Variants in LINGO2 observed in about 807,000 individuals in gnomAD.
The protein encoded by LINGO2 is leucine-rich repeat and immunoglobulin-like domain-containing nogo receptor-interacting protein 2.
In LINGO2, 14 loss-of-function variants were observed where a neutral mutation model predicts 30.6. The observed-to-expected ratio is 0.46, with a 90% CI of 0.30 to 0.72. LINGO2 has a LOEUF of 0.72. Among genes scored for constraint, LINGO2 ranks in the 30% least tolerant of loss-of-function variants. LINGO2 has a pLI of 0.07. For missense variants in LINGO2, 729 were observed against 751.7 expected (o/e 0.97, Z 0.35); for synonymous variants, 317 against 288.5 (o/e 1.10, Z -1.00).
the LINGO2 span, among the ~76,000 whole-genome samples, chr9:28,913,206 G>A: frequency 1.3e-5 from 2 of 151,848 alleles, no homozygotes; most frequent in Admixed American, 1.3e-4. Context: ...GAAAATCTCT[G>A]TTATCATCAT....
intron 1 of LINGO2, among the ~76,000 whole-genome samples, chr9:28,481,840 T>C (rs1300347103): frequency 6.6e-6 from 1 of 151,462 alleles, no homozygotes; most frequent in Non-Finnish European, 1.5e-5. Context: ...GTTCTCATTG[T>C]TCAGTTCCCA....
chr9:28,509,478 C>T (rs1270719751), intron 1 of LINGO2, among the ~76,000 whole-genome samples: 1 of 152,174 alleles, frequency 6.6e-6, no homozygotes. Flanking sequence ...CAATCATTGT[C>T]TCCACTAAGA....
At chr9:28,381,115 T>C (rs1296580489) in intron 2 of LINGO2, among the ~76,000 whole-genome samples, 1 of 152,022 alleles carries the variant, frequency 6.6e-6, no homozygotes, top group Non-Finnish European at 1.5e-5. Context: ...ACAATGACTA[T>C]TGCTATACAG....
intron 4 of LINGO2, among the ~76,000 whole-genome samples, chr9:28,146,930 G>C (rs1258687909): frequency 6.6e-6 from 1 of 152,156 alleles, no homozygotes; most frequent in Non-Finnish European, 1.5e-5. Flanking sequence ...TTTCTTTTAG[G>C]ACAGACCAAA....
chr9:28,333,000 G>T (rs1478665177), intron 3 of LINGO2, among the ~76,000 whole-genome samples: 1 of 152,084 alleles, frequency 6.6e-6, no homozygotes, highest in Non-Finnish European at 1.5e-5. Flanking sequence ...ACAAGAAAAT[G>T]AAAGTGTTAT....
At chr9:28,706,638 ATAGGCCAATAACCTTCACATTGAAATCTG>A in the LINGO2 span, among the ~76,000 whole-genome samples, 1 of 152,096 alleles carries the variant, frequency 6.6e-6, no homozygotes, top group African/African-American at 2.4e-5. Context: ...TTTCCCTGAA[ATAGGCCAATAACCTTCACATTGAAATCTG>A]TTGAAGTTGG....
the LINGO2 span, among the ~76,000 whole-genome samples, chr9:28,848,028 G>T: frequency 1.3e-5 from 1 of 74,528 alleles, no homozygotes; most frequent in Non-Finnish European, 2.3e-5. Flanking sequence ...CACACATATA[G>T]ACACACACTA....
At chr9:28,767,414 T>C in the LINGO2 span, among the ~76,000 whole-genome samples, 2 of 152,256 alleles carry the variant, frequency 1.3e-5, no homozygotes, top group Non-Finnish European at 2.9e-5. Flanking sequence ...TAGCAATTAC[T>C]TCCTTGAATC....
intron 4 of LINGO2, among the ~76,000 whole-genome samples, chr9:28,294,388 G>A (rs1041265431): frequency 1.3e-5 from 2 of 152,062 alleles, no homozygotes; most frequent in African/African-American, 4.8e-5. Flanking sequence ...TTCTATACTT[G>A]AACTTAAAGA....
At chr9:29,043,966 T>C in the LINGO2 span, among the ~76,000 whole-genome samples, 2 of 152,084 alleles carry the variant, frequency 1.3e-5, no homozygotes, top group South Asian at 2.1e-4. Flanking sequence ...CTATTGCCAC[T>C]GTGTATTTCT....
At chr9:28,387,498 A>G (rs1313594288) in intron 2 of LINGO2, among the ~76,000 whole-genome samples, 1 of 152,198 alleles carries the variant, frequency 6.6e-6, no homozygotes. Flanking sequence ...GGCCCCTTCC[A>G]CGTTGTAGAA....
rs529060909 is a variant in LINGO2 at position 28,149,585 on chromosome 9, C to T, written c.-86-137180G>A. On this transcript the variant is annotated intron_variant, in intron 4 of 5. Transcript: ENST00000379992. ...GGCAGTGAGGAGTGCCTGTGGAGTC[C>T]GCCGCCCTGTCTGGGAAGTGAGGAG... 1.3e-4 allele frequency among the ~76,000 whole-genome samples: 19 copies of T among 149,232 alleles called. No homozygotes were observed. In the South Asian group the frequency reaches 1.3e-3, roughly 10 times the overall value.
chr9:27,981,513 A>T (rs1181564393), intron 5 of LINGO2, among the ~76,000 whole-genome samples: 1 of 145,912 alleles, frequency 6.9e-6, no homozygotes, highest in Non-Finnish European at 1.5e-5. Context: ...GATGATATGA[A>T]AGGATAAATG....
At chr9:28,326,615 G>GC (rs1484818266) in intron 3 of LINGO2, among the ~76,000 whole-genome samples, 3 of 152,126 alleles carry the variant, frequency 2.0e-5, no homozygotes, top group Non-Finnish European at 4.4e-5. Flanking sequence ...AACTATATTG[G>GC]CATCGTTCAC....
the LINGO2 span, among the ~76,000 whole-genome samples, chr9:28,802,681 A>G: frequency 0.54 from 82,000 of 151,766 alleles, 22,407 homozygotes; most frequent in Middle Eastern, 0.67. Context: ...ACAAAAAAGA[A>G]TACTTAAAAA....
At chr9:28,377,303 A>T (rs1821166784) in intron 2 of LINGO2, among the ~76,000 whole-genome samples, 1 of 152,078 alleles carries the variant, frequency 6.6e-6, no homozygotes, top group Non-Finnish European at 1.5e-5. Context: ...GAGGATGAAG[A>T]CCTTTATGAT....
chr9:28,870,764 T>C, the LINGO2 span, among the ~76,000 whole-genome samples: 1 of 152,074 alleles, frequency 6.6e-6, no homozygotes, highest in Non-Finnish European at 1.5e-5. Context: ...TTATTTGAAC[T>C]TTTAAATCGT....
intron 4 of LINGO2, among the ~76,000 whole-genome samples, chr9:28,239,081 T>C (rs1821683828): frequency 1.3e-5 from 2 of 151,834 alleles, no homozygotes; most frequent in Non-Finnish European, 2.9e-5. Context: ...CCAACCAAGA[T>C]TGAATAATGA....
the LINGO2 span, among the ~76,000 whole-genome samples, chr9:28,882,596 T>C: frequency 5.8e-4 from 88 of 152,248 alleles, 1 homozygote; most frequent in African/African-American, 2.1e-3. Context: ...GAAAATAGAT[T>C]AGCTATGCTC....
Sources: allele counts gnomAD v4.1 joint callset (sites outside exome capture counted in the v4.1 genomes callset), GRCh38; gene constraint gnomAD v4.1.1; transcripts MANE v1.5; gene names NCBI Gene and HGNC (gene_info 2026-07-23, HGNC 2026-07-21).